CSMD1: variants seen among roughly 807,000 people sequenced by gnomAD.
CSMD1 encodes CUB and Sushi multiple domains 1.
CSMD1 carries 213 observed loss-of-function variants against 417.5 expected under a neutral mutation model. That is an observed-to-expected ratio of 0.51 (90% CI 0.46 to 0.57). The LOEUF is 0.57. Ranked by LOEUF, CSMD1 falls within the 20% of genes least tolerant of loss-of-function variation. CSMD1 has a pLI of 0.00. For missense variants in CSMD1, 6,923 were observed against 4,529.7 expected (o/e 1.53, Z -15.17); for synonymous variants, 2,862 against 1,736.8 (o/e 1.65, Z -16.11).
intron 26 of CSMD1, among the ~76,000 whole-genome samples, chr8:3,271,530 T>A (rs1801854087): frequency 6.7e-6 from 1 of 148,182 alleles, no homozygotes; most frequent in South Asian, 2.2e-4. Flanking sequence ...GTTGAACTAG[T>A]TTATAGTCCC....
intron 5 of CSMD1, among the ~76,000 whole-genome samples, chr8:3,799,786 T>C (rs1432638180): frequency 6.6e-6 from 1 of 152,128 alleles, no homozygotes; most frequent in Admixed American, 6.6e-5. Context: ...TTTTCATATC[T>C]ATGAAATTCT....
chr8:4,332,588 CACACACACACACACACACA>C (rs1563064786), intron 3 of CSMD1, among the ~76,000 whole-genome samples: 1 of 136,766 alleles, frequency 7.3e-6, no homozygotes, highest in Non-Finnish European at 1.6e-5. Context: ...CACACACACA[CACACACACACACACACACA>C]GAGTCATATG....
chr8:3,051,276 G>C (rs996211131), intron 50 of CSMD1, among the ~76,000 whole-genome samples: 27 of 152,344 alleles, frequency 1.8e-4, no homozygotes, highest in Middle Eastern at 3.4e-3. Context: ...CATAAAAACA[G>C]TGAGATCATG....
At chr8:4,286,034 T>A (rs1267055208) in intron 3 of CSMD1, among the ~76,000 whole-genome samples, 1 of 152,180 alleles carries the variant, frequency 6.6e-6, no homozygotes, top group Admixed American at 6.5e-5. Context: ...CTGCCTTGGC[T>A]TAGTGGAATT....
intron 3 of CSMD1, among the ~76,000 whole-genome samples, chr8:4,388,025 C>A (rs544520013): frequency 6.6e-6 from 1 of 152,110 alleles, no homozygotes; most frequent in Non-Finnish European, 1.5e-5. Context: ...CACCAAGCAT[C>A]TATTTTACCA....
chr8:4,263,841 C>T (rs930279680), intron 3 of CSMD1, among the ~76,000 whole-genome samples: 1 of 152,136 alleles, frequency 6.6e-6, no homozygotes. Flanking sequence ...TTTGATAGCA[C>T]TCAAAAACAT....
intron 10 of CSMD1, among the ~76,000 whole-genome samples, chr8:3,538,460 C>A (rs922140034): frequency 1.2e-4 from 19 of 152,034 alleles, no homozygotes; most frequent in Non-Finnish European, 2.2e-4. Flanking sequence ...ACCTGAGATG[C>A]CTCACCTAAG....
intron 26 of CSMD1, among the ~76,000 whole-genome samples, chr8:3,252,910 T>A (rs985191534): frequency 6.6e-6 from 1 of 152,128 alleles, no homozygotes; most frequent in Non-Finnish European, 1.5e-5. Context: ...GTGGTGATAT[T>A]ACCTTTATCA....
chr8:4,174,967 A>C (rs149182724), intron 3 of CSMD1, among the ~76,000 whole-genome samples: 1 of 151,360 alleles, frequency 6.6e-6, no homozygotes, highest in African/African-American at 2.4e-5. Flanking sequence ...ATTAGTATTG[A>C]TGGCTCTTTG....
chr8:4,212,266 G>C (rs370353733), intron 3 of CSMD1, among the ~76,000 whole-genome samples: 2 of 151,258 alleles, frequency 1.3e-5, no homozygotes, highest in South Asian at 4.2e-4. Context: ...GACTGACTCA[G>C]ATAAATACTA....
At chr8:4,162,981 C>G (rs537327516) in intron 3 of CSMD1, among the ~76,000 whole-genome samples, 65 of 152,282 alleles carry the variant, frequency 4.3e-4, no homozygotes, top group South Asian at 1.5e-3. Flanking sequence ...GAGTAGGAAT[C>G]ACAAAGTGGG....
chr8:4,749,705 GA>G (rs1811180869), intron 1 of CSMD1, among the ~76,000 whole-genome samples: 2 of 152,054 alleles, frequency 1.3e-5, no homozygotes, highest in African/African-American at 4.8e-5. Flanking sequence ...TTCAACTTAA[GA>G]AATTCATTGC....
At chr8:4,056,612 G>T (rs961652624) in intron 3 of CSMD1, among the ~76,000 whole-genome samples, 1 of 151,748 alleles carries the variant, frequency 6.6e-6, no homozygotes, top group African/African-American at 2.4e-5. Flanking sequence ...GTATACATGT[G>T]CCATGCTGGG....
intron 2 of CSMD1, among the ~76,000 whole-genome samples, chr8:4,511,332 A>G (rs1255126515): frequency 1.3e-5 from 2 of 152,186 alleles, no homozygotes; most frequent in Non-Finnish European, 2.9e-5. Flanking sequence ...ACAGCACAGG[A>G]AAGTGACCAG....
At chr8:4,745,298 C>A (rs903178965) in intron 1 of CSMD1, among the ~76,000 whole-genome samples, 1 of 152,062 alleles carries the variant, frequency 6.6e-6, no homozygotes, top group Non-Finnish European at 1.5e-5. Context: ...CTATTGCAGC[C>A]TAATGGATTA....
intron 2 of CSMD1, among the ~76,000 whole-genome samples, chr8:4,508,130 G>A (rs1282682925): frequency 6.9e-6 from 1 of 144,270 alleles, no homozygotes; most frequent in Non-Finnish European, 1.5e-5. Flanking sequence ...CAGTGAAATT[G>A]CAGATGTAGG....
intron 3 of CSMD1, among the ~76,000 whole-genome samples, chr8:4,227,095 G>T (rs1190382192): frequency 6.6e-6 from 1 of 152,158 alleles, no homozygotes; most frequent in Non-Finnish European, 1.5e-5. Flanking sequence ...CATGCCTGAG[G>T]TCTTTTCTGG....
intron 3 of CSMD1, among the ~76,000 whole-genome samples, chr8:4,101,075 C>T (rs1377432275): frequency 6.6e-6 from 1 of 152,146 alleles, no homozygotes; most frequent in African/African-American, 2.4e-5. Context: ...CGAGACGGCG[C>T]TGGGTTCAGA....
intron 3 of CSMD1, among the ~76,000 whole-genome samples, chr8:4,158,570 C>T (rs548461375): frequency 7.9e-5 from 12 of 152,166 alleles, no homozygotes; most frequent in African/African-American, 2.7e-4. Flanking sequence ...TTCACTATGA[C>T]AGAACAGTCC....
Sources: allele counts gnomAD v4.1 joint callset (sites outside exome capture counted in the v4.1 genomes callset), GRCh38; gene constraint gnomAD v4.1.1; transcripts MANE v1.5; gene names NCBI Gene and HGNC (gene_info 2026-07-23, HGNC 2026-07-21).